ZPBP: variants seen among roughly 807,000 people sequenced by gnomAD.
The protein encoded by ZPBP is zona pellucida binding protein.
In ZPBP, 26 loss-of-function variants were observed where a neutral mutation model predicts 44.8. That is an observed-to-expected ratio of 0.58 (90% CI 0.43 to 0.81). The LOEUF (loss-of-function observed/expected upper bound fraction) is 0.81, where lower values mean the gene tolerates loss of function less well. Ranked by LOEUF, ZPBP falls within the 30% of genes least tolerant of loss-of-function variation. ZPBP has a pLI of 0.00. For missense variants in ZPBP, 409 were observed against 434.0 expected (o/e 0.94, Z 0.51); for synonymous variants, 174 against 153.2 (o/e 1.14, Z -1.00).
intron 2 of ZPBP, among the ~76,000 whole-genome samples, chr7:49,869,588 C>A (rs1351840315): frequency 6.6e-6 from 1 of 152,052 alleles, no homozygotes; most frequent in East Asian, 1.9e-4. Context: ...CTTATTTTAA[C>A]CTTTTGGCTA....
intron 7 of ZPBP, among the ~76,000 whole-genome samples, chr7:49,952,479 A>G (rs989157835): frequency 1.1e-4 from 17 of 152,184 alleles, no homozygotes; most frequent in Admixed American, 2.0e-4. Flanking sequence ...TATTTCCTGT[A>G]TAGCTTTGAG....
In ZPBP at chr7:50,027,963, G is replaced by A. The variant is rs147963702; in HGVS notation, c.706+3129C>T. 1.0e-3 allele frequency among the ~76,000 whole-genome samples: 152 copies of A among 152,052 alleles called. No individual in the cohort carries two copies. The Middle Eastern group carries it at 0.01, about 10-fold the overall frequency. Reference sequence around the variant, plus strand: ...AAAAAACCAGAACCCAAAGGCCTCAGTGATTAATTCTATCAGTTAAAGAAG... The same window carrying A: ...AAAAAACCAGAACCCAAAGGCCTCAATGATTAATTCTATCAGTTAAAGAAG... On this transcript the variant is annotated intron_variant, in intron 5 of 7. Transcript: ENST00000046087.
At chr7:49,975,529 T>C (rs1796474667) in intron 7 of ZPBP, among the ~76,000 whole-genome samples, 1 of 152,184 alleles carries the variant, frequency 6.6e-6, no homozygotes, top group African/African-American at 2.4e-5. Context: ...CTGGACCTCA[T>C]CATGTGGGCT....
At chr7:49,915,774 ATTG>A (rs1793690354) in intron 1 of ZPBP, 1 of 152,190 alleles carries the variant, frequency 6.6e-6, no homozygotes, top group African/African-American at 2.4e-5. Context: ...CCTACTTTTC[ATTG>A]TTATTTTTAA....
intron 5 of ZPBP, among the ~76,000 whole-genome samples, chr7:50,020,484 A>T (rs1378685063): frequency 6.6e-6 from 1 of 152,084 alleles, no homozygotes; most frequent in African/African-American, 2.4e-5. Context: ...GTCAACAGGC[A>T]ACAGACATTA....
intron 2 of ZPBP, among the ~76,000 whole-genome samples, chr7:49,894,688 G>A (rs10237792): frequency 0.027 from 4,148 of 152,298 alleles, 207 homozygotes; most frequent in African/African-American, 0.094. Flanking sequence ...AGGGAAAAGC[G>A]TGGGTGGGGG....
chr7:49,972,823 G>A (rs534799909), intron 7 of ZPBP, among the ~76,000 whole-genome samples: 1 of 151,580 alleles, frequency 6.6e-6, no homozygotes, highest in East Asian at 2.0e-4. Context: ...ATGTCTAAAC[G>A]TATTACAAAG....
At chr7:49,979,845 A>G (rs1307405719) in intron 7 of ZPBP, among the ~76,000 whole-genome samples, 1 of 69,812 alleles carries the variant, frequency 1.4e-5, no homozygotes, top group Non-Finnish European at 2.7e-5. Flanking sequence ...ATATATATAT[A>G]TAAAATATAT....
intron 7 of ZPBP, chr7:49,943,472 C>T: frequency 2.2e-6 from 1 of 456,350 alleles, no homozygotes; most frequent in East Asian, 6.2e-5. Flanking sequence ...CTCTTGCCAA[C>T]ATTTAGATAG....
At chr7:50,049,879 A>G (rs1800598228) in intron 4 of ZPBP, among the ~76,000 whole-genome samples, 1 of 152,026 alleles carries the variant, frequency 6.6e-6, no homozygotes, top group African/African-American at 2.4e-5. Context: ...TCAACATGCC[A>G]TAAATGTCTC....
At chr7:49,930,353 T>G (rs750949585) in intron 1 of ZPBP, among the ~76,000 whole-genome samples, 37 of 152,232 alleles carry the variant, frequency 2.4e-4, no homozygotes, top group African/African-American at 8.7e-4. Flanking sequence ...ATTTTCCTCA[T>G]GTACTAGTTA....
chr7:49,964,297 A>G (rs1488575384), intron 7 of ZPBP, among the ~76,000 whole-genome samples: 1 of 151,982 alleles, frequency 6.6e-6, no homozygotes, highest in Non-Finnish European at 1.5e-5. Context: ...AGGCTCTGTG[A>G]TAGAAATAAT....
intron 4 of ZPBP, among the ~76,000 whole-genome samples, chr7:50,039,710 T>C (rs1799977995): frequency 1.3e-5 from 2 of 152,272 alleles, no homozygotes; most frequent in African/African-American, 4.8e-5. Context: ...GAAGGCTGTA[T>C]ATGACAAAAC....
At chr7:50,083,358 A>G (rs1802466748) in intron 2 of ZPBP, among the ~76,000 whole-genome samples, 1 of 152,012 alleles carries the variant, frequency 6.6e-6, no homozygotes, top group African/African-American at 2.4e-5. Flanking sequence ...TTCAGGCTCT[A>G]ACAAAAGACA....
chr7:50,066,159 T>C (rs570579028), intron 3 of ZPBP, among the ~76,000 whole-genome samples: 2 of 151,064 alleles, frequency 1.3e-5, no homozygotes, highest in African/African-American at 4.9e-5. Flanking sequence ...CTGATTGTTT[T>C]AGGATTATGA....
intron 2 of ZPBP, among the ~76,000 whole-genome samples, chr7:49,858,708 T>TA (rs150250284): frequency 3.3e-5 from 5 of 151,518 alleles, no homozygotes; most frequent in Admixed American, 2.6e-4. Flanking sequence ...ATAATAATAA[T>TA]AAAAAAAAGA....
intron 2 of ZPBP, among the ~76,000 whole-genome samples, chr7:50,082,326 T>C (rs1013852938): frequency 3.5e-4 from 53 of 152,026 alleles, no homozygotes; most frequent in Non-Finnish European, 5.7e-4. Context: ...TTATTCACAA[T>C]GATGTAGCAT....
chr7:49,957,294 T>C (rs1795645594), intron 7 of ZPBP, among the ~76,000 whole-genome samples: 1 of 152,196 alleles, frequency 6.6e-6, no homozygotes, highest in African/African-American at 2.4e-5. Context: ...AGAAAATTGA[T>C]TTTGAGAAGT....
intron 1 of ZPBP, 130 bp from the exon 2 acceptor site, chr7:50,089,839 C>T (rs1345117128): frequency 1.4e-6 from 1 of 717,206 alleles, no homozygotes; most frequent in African/African-American, 1.8e-5. Flanking sequence ...GTTGATATCA[C>T]TGTTCCAACT....
Sources: gnomAD v4.1 joint callset for allele counts (sites outside exome capture counted in the v4.1 genomes callset) on GRCh38, gnomAD v4.1.1 for gene constraint, MANE v1.5 for transcripts, NCBI Gene and HGNC (gene_info 2026-07-23, HGNC 2026-07-21) for gene names.